Variants in DGKB observed in about 807,000 individuals in gnomAD.
DGKB encodes 90 kDa diacylglycerol kinase.
DGKB carries 67 observed loss-of-function variants against 114.3 expected under a neutral mutation model. That is an observed-to-expected ratio of 0.59 (90% CI 0.48 to 0.72). The LOEUF (loss-of-function observed/expected upper bound fraction) is 0.72. Among genes scored for constraint, DGKB ranks in the 30% least tolerant of loss-of-function variants. The probability of loss-of-function intolerance (pLI) is 0.00; values close to 1 mark genes in which losing one functional copy is unlikely to be tolerated. For synonymous variants in DGKB, 398 were observed against 323.1 expected (o/e 1.23, Z -2.49); for missense variants, 907 against 975.2 (o/e 0.93, Z 0.93).
intron 9 of DGKB, among the ~76,000 whole-genome samples, chr7:14,691,154 T>C (rs1030448365): frequency 1.3e-5 from 2 of 152,222 alleles, no homozygotes; most frequent in Non-Finnish European, 2.9e-5. Flanking sequence ...ATAAATTGCA[T>C]TGAAATCGTA....
chr7:14,731,162 TG>T (rs1830856747), intron 5 of DGKB, among the ~76,000 whole-genome samples: 1 of 152,184 alleles, frequency 6.6e-6, no homozygotes, highest in Non-Finnish European at 1.5e-5. Flanking sequence ...GATAGATTCT[TG>T]GATGCTATTC....
chr7:14,485,848 G>A (rs184646068), intron 20 of DGKB, among the ~76,000 whole-genome samples: 117 of 147,812 alleles, frequency 7.9e-4, no homozygotes, highest in African/African-American at 2.7e-3. Context: ...CTAAGACTGC[G>A]CCATTGCACT....
At chr7:14,536,727 C>T (rs1050456925) in intron 20 of DGKB, among the ~76,000 whole-genome samples, 2 of 152,020 alleles carry the variant, frequency 1.3e-5, no homozygotes, top group African/African-American at 4.8e-5. Context: ...TCATACTCAA[C>T]AGAGAAATGC....
At position 14,349,562 on chromosome 7, in the gene DGKB, C is replaced by T. The variant is rs976768390; in HGVS notation, c.1836-4171G>A. ...AAATTCTGAGAATTTACATTCAGCC[C>T]TTATTCACCATATTAGTTAGCATTA... On this transcript the variant is annotated intron_variant, in intron 21 of 25. Transcript: ENST00000402815. 4.6e-5 allele frequency among the ~76,000 whole-genome samples: 7 copies of T among 152,226 alleles called. No homozygotes were observed. The East Asian group carries it at 1.4e-3, about 29-fold the overall frequency.
intron 2 of DGKB, among the ~76,000 whole-genome samples, chr7:14,786,456 T>A (rs1839907014): frequency 6.6e-6 from 1 of 152,204 alleles, no homozygotes; most frequent in Admixed American, 6.5e-5. Flanking sequence ...CTGGAGTGGC[T>A]GCTGCAAAAG....
At chr7:14,242,170 A>C (rs892131026) in intron 23 of DGKB, among the ~76,000 whole-genome samples, 1 of 152,228 alleles carries the variant, frequency 6.6e-6, no homozygotes, top group South Asian at 2.1e-4. Flanking sequence ...ACAGGCTGAC[A>C]TAATTTTCCT....
chr7:14,621,192 A>G, intron 15 of DGKB, 186 bp downstream of exon 15: 1 of 487,308 alleles, frequency 2.1e-6, no homozygotes, highest in Non-Finnish European at 3.6e-6. Context: ...TAATTTAACC[A>G]GAATGTTACT....
intron 16 of DGKB, among the ~76,000 whole-genome samples, chr7:14,612,317 C>T (rs1227881503): frequency 6.6e-6 from 1 of 151,676 alleles, no homozygotes; most frequent in Non-Finnish European, 1.5e-5. Context: ...TTACAGGTGC[C>T]CACGACCATG....
At chr7:14,704,617 G>T (rs959897090) in intron 6 of DGKB, among the ~76,000 whole-genome samples, 3 of 151,954 alleles carry the variant, frequency 2.0e-5, no homozygotes, top group Admixed American at 6.6e-5. Flanking sequence ...CGCAGCTGAA[G>T]ATCTGAGAAC....
At chr7:14,520,274 A>G (rs1305690963) in intron 20 of DGKB, among the ~76,000 whole-genome samples, 1 of 141,010 alleles carries the variant, frequency 7.1e-6, no homozygotes, top group Non-Finnish European at 1.6e-5. Context: ...ATCTTATAAA[A>G]AAACTAGTCT....
chr7:14,239,602 G>C (rs952427568), intron 23 of DGKB, among the ~76,000 whole-genome samples: 11 of 151,826 alleles, frequency 7.2e-5, no homozygotes, highest in African/African-American at 2.7e-4. Flanking sequence ...CTTCATTTTA[G>C]GATAGGAAAA....
chr7:14,260,442 CCTG>C (rs1282109713), intron 23 of DGKB, among the ~76,000 whole-genome samples: 1 of 152,114 alleles, frequency 6.6e-6, no homozygotes. Flanking sequence ...GAAATCAAAC[CCTG>C]CTGCTGATCA....
intron 21 of DGKB, among the ~76,000 whole-genome samples, chr7:14,453,340 T>C (rs1056485711): frequency 2.0e-5 from 3 of 152,100 alleles, no homozygotes; most frequent in African/African-American, 7.2e-5. Context: ...CTGGTAGATA[T>C]TGCCTTTTCT....
chr7:14,387,408 T>A (rs1820571520), intron 21 of DGKB, among the ~76,000 whole-genome samples: 1 of 30,896 alleles, frequency 3.2e-5, no homozygotes, highest in African/African-American at 1.4e-4. Flanking sequence ...TGAGACTCCA[T>A]CTCAAAAAAA....
chr7:14,939,303 A>G (rs1415100126), intron 1 of DGKB, among the ~76,000 whole-genome samples: 1 of 152,186 alleles, frequency 6.6e-6, no homozygotes, highest in Non-Finnish European at 1.5e-5. Flanking sequence ...TGCCAAGCCT[A>G]CAATAGATGT....
intron 4 of DGKB, among the ~76,000 whole-genome samples, chr7:14,747,775 G>GCGCGCACACACA: frequency 9.8e-4 from 147 of 149,270 alleles, no homozygotes; most frequent in African/African-American, 3.5e-3. Context: ...ACATCCACGC[G>GCGCGCACACACA]CACGCACACA....
chr7:14,921,167 T>C (rs890921206), intron 1 of DGKB, among the ~76,000 whole-genome samples: 8 of 152,110 alleles, frequency 5.3e-5, no homozygotes, highest in African/African-American at 1.9e-4. Flanking sequence ...CCAGAGGTTT[T>C]GGAGGGAGAG....
At chr7:14,674,195 A>G (rs982641977) in intron 12 of DGKB, among the ~76,000 whole-genome samples, 4 of 151,954 alleles carry the variant, frequency 2.6e-5, no homozygotes, top group African/African-American at 4.8e-5. Context: ...ATTACATGAA[A>G]TAAACGTATC....
At chr7:14,396,884 T>A (rs1011241247) in intron 21 of DGKB, among the ~76,000 whole-genome samples, 2 of 152,178 alleles carry the variant, frequency 1.3e-5, no homozygotes, top group African/African-American at 4.8e-5. Flanking sequence ...GTAGTCTCTG[T>A]ATCTTACTAA....
Sources: gnomAD v4.1 joint callset for allele counts (sites outside exome capture counted in the v4.1 genomes callset) on GRCh38, gnomAD v4.1.1 for gene constraint, MANE v1.5 for transcripts, NCBI Gene and HGNC (gene_info 2026-07-23, HGNC 2026-07-21) for gene names.